The following DEGS2 variants were observed in gnomAD, a reference collection of about 807,000 sequenced individuals.
DEGS2 encodes the protein sphingolipid delta(4)-desaturase/C4-monooxygenase DES2.
In DEGS2, 19 loss-of-function variants were observed where a neutral mutation model predicts 23.8. The ratio of observed to expected loss-of-function variants is 0.80; its 90% confidence interval spans 0.56 to 1.17. The LOEUF is 1.17. DEGS2 is among the 50% of genes most tolerant of loss of function. The pLI is 0.00. For missense variants in DEGS2, 390 were observed against 459.5 expected (o/e 0.85, Z 1.38); for synonymous variants, 218 against 213.7 (o/e 1.02, Z -0.18).
At chr14:100,160,442 G>T (rs1259511752), upstream of DEGS2, among the ~76,000 whole-genome samples, 1 of 152,232 alleles carries the variant, frequency 6.6e-6, no homozygotes, top group Non-Finnish European at 1.5e-5. Flanking sequence ...AACAGCAGAT[G>T]CAAACGCTTG....
chr14:100,157,903 C>T (rs535132113), intron 1 of DEGS2, among the ~76,000 whole-genome samples: 2 of 152,192 alleles, frequency 1.3e-5, no homozygotes, highest in South Asian at 4.1e-4. Flanking sequence ...GCCTAGCCAA[C>T]ATGGTGAAAC....
chr14:100,147,043 ACCCACACACAC>A, intron 2 of DEGS2, 136 bp from the exon 3 acceptor site: 3 of 977,596 alleles, frequency 3.1e-6, no homozygotes, highest in African/African-American at 1.6e-5. Context: ...GCGCGCGCAC[ACCCACACACAC>A]ACATGGGTGT....
At chr14:100,164,176 T>TGAG, upstream of DEGS2, among the ~76,000 whole-genome samples, 1 of 151,842 alleles carries the variant, frequency 6.6e-6, no homozygotes, top group Non-Finnish European at 1.5e-5. Context: ...CAAGCACTCT[T>TGAG]CCTGCCTCGG....
At chr14:100,147,324 C>T (rs955616141) in intron 2 of DEGS2, among the ~76,000 whole-genome samples, 2 of 152,162 alleles carry the variant, frequency 1.3e-5, no homozygotes, top group African/African-American at 4.8e-5. Flanking sequence ...CCTTCTGACC[C>T]GGCAGACCCC....
rs569110301 is a variant in DEGS2 at position 100,149,681 on chromosome 14, G to T, written c.112C>A (p.Arg38=). The change falls in exon 2 of 3, where the codon CGG becomes AGG. Residue 38 remains arginine, a synonymous_variant. Coordinates refer to ENST00000305631, the MANE Select transcript of DEGS2 (RefSeq NM_206918.3). Reference sequence around the variant, plus strand: ...GCCCACTTGAGGCGCGGGTCTGGCCGCATCAGGGCCTTGATGGCCGGGTAC... The same window carrying T: ...GCCCACTTGAGGCGCGGGTCTGGCCTCATCAGGGCCTTGATGGCCGGGTAC... The part of the protein sequence containing the change: ...AKYPAIKALM[R]PDPRLKWAVL... The T allele has an allele frequency of 6.2e-7, 1 of 1,607,320 alleles. No individual in the cohort carries two copies. Among genetic ancestry groups the T allele is most frequent in the Non-Finnish European group, 8.5e-7 (1 of 1,177,046 alleles).
rs1254070395 is a variant in DEGS2, at chr14:100,158,407, CA to C, written c.82+1098del. On this transcript the variant is annotated intron_variant, in intron 1 of 2. Transcript: ENST00000305631. The stretch of plus-strand genomic sequence containing the variant: ...GTGAAACTCCATCTCACTACAAATA[CA>C]AAAATTAGCCGGGTGTGGTGGCAGG... Among the ~76,000 whole-genome samples, 5 of 147,756 alleles carry C rather than the reference CA, an allele frequency of 3.4e-5. No homozygotes were observed. The East Asian group carries it at 6.2e-4, about 18-fold the overall frequency.
At chr14:100,148,655 C>A (rs1047473800) in intron 2 of DEGS2, among the ~76,000 whole-genome samples, 2 of 152,176 alleles carry the variant, frequency 1.3e-5, no homozygotes, top group Non-Finnish European at 2.9e-5. Flanking sequence ...TGGTGCTTCC[C>A]GTGCAGTGTT....
At position 100,145,843 on chromosome 14, in the gene DEGS2, C is replaced by T. The variant is rs4900456; in HGVS notation, c.*918G>A. ...TCTCACGTCACGCACACTCCCAGGA[C>T]GCTGCCCGACCCGCATCCCATCTGA... On this transcript the variant is annotated 3_prime_UTR_variant, in exon 3 of 3. Transcript: ENST00000305631. 0.14 allele frequency: 21,982 copies of T among 152,426 alleles called. 1,613 individuals carry two copies. Among genetic ancestry groups the T allele is most frequent in the Middle Eastern group, 0.21 (62 of 296 alleles). The allele number at this position is 152,426 out of a possible 1,614,324, so 9.4% of individuals were successfully genotyped here.
chr14:100,150,671 C>T (rs1889555594), intron 1 of DEGS2, among the ~76,000 whole-genome samples: 2 of 151,962 alleles, frequency 1.3e-5, no homozygotes, highest in Admixed American at 1.3e-4. Flanking sequence ...ATGCTAAGTT[C>T]TGCCTACATG....
chr14:100,147,318 C>T (rs1264935510), intron 2 of DEGS2, among the ~76,000 whole-genome samples: 2 of 152,192 alleles, frequency 1.3e-5, no homozygotes, highest in African/African-American at 4.8e-5. Context: ...GCCCCGCCTT[C>T]TGACCCGGCA....
chr14:100,159,460 G>A, intron 1 of DEGS2, 46 bp downstream of exon 1: 1 of 1,417,002 alleles, frequency 7.1e-7, no homozygotes, highest in Non-Finnish European at 9.3e-7. Context: ...CTCCAGACGG[G>A]CCAACGGGGC....
At chr14:100,166,315 G>T in the DEGS2 span, among the ~76,000 whole-genome samples, 1 of 24,224 alleles carries the variant, frequency 4.1e-5, no homozygotes, top group South Asian at 1.7e-3. Context: ...CTGTGGGGGA[G>T]CCTGCCCGGG....
chr14:100,165,636 CCT>C, the DEGS2 span, among the ~76,000 whole-genome samples: 1 of 152,156 alleles, frequency 6.6e-6, no homozygotes, highest in Admixed American at 6.5e-5. Flanking sequence ...GCTGTGGACG[CCT>C]CTCCGCTCCG....
chr14:100,161,170 C>T (rs1889741892), upstream of DEGS2, among the ~76,000 whole-genome samples: 2 of 91,514 alleles, frequency 2.2e-5, no homozygotes, highest in Middle Eastern at 6.5e-3. Context: ...TCAGAGCCTT[C>T]GCCCCTGTGT....
In DEGS2 at chr14:100,149,222, G is replaced by A; in HGVS notation, c.571C>T (p.Leu191=). The A allele has an allele frequency of 1.2e-6, 2 of 1,612,708 alleles. No homozygotes were observed. Among genetic ancestry groups the A allele is most frequent in the Non-Finnish European group, 1.7e-6 (2 of 1,179,830 alleles). ...GCCAGGTCGGCCGCCAGCTGCACCA[G>A]CGTGTTGAGCACCTCCATGCGGGTC... ...AVTRMEVLNT[L]VQLAADLAIF... The change falls in exon 2 of 3, where the codon CTG becomes TTG. Residue 191 remains leucine, a synonymous_variant. Coordinates refer to ENST00000305631, the MANE Select transcript of DEGS2 (RefSeq NM_206918.3).
rs1889716804 is a variant in DEGS2 at position 100,159,594 on chromosome 14, G to A, written c.-7C>T. On this transcript the variant is annotated 5_prime_UTR_variant, in exon 1 of 3. Coordinates refer to ENST00000305631, the MANE Select transcript of DEGS2 (RefSeq NM_206918.3). ...GGCTCGCGCTGTTGCCCATGGTGGG[G>A]CGGGAGGCGCCGTTCGGAGCGCGGC... 1 of 1,487,064 alleles carries A rather than the reference G, an allele frequency of 6.7e-7. No homozygotes were observed. The highest frequency in any genetic ancestry group is 2.9e-5 in the East Asian group (1 of 34,376). 92.1% of individuals were successfully genotyped at this position (1,487,064 alleles called of 1,614,324 possible).
In DEGS2 at chr14:100,149,862, C is replaced by T. The variant is rs979707306; in HGVS notation, c.83-152G>A. Reference sequence around the variant, plus strand: ...GCCCCTGCACACAGGCCCTGTCCCTCGAGGGCCCGCTGGCCCCCACCCTGG... The same window carrying T: ...GCCCCTGCACACAGGCCCTGTCCCTTGAGGGCCCGCTGGCCCCCACCCTGG... On this transcript the variant is annotated intron_variant, in intron 1 of 2. Transcript: ENST00000305631. 27 of 817,034 alleles carry T rather than the reference C, an allele frequency of 3.3e-5. No homozygotes were observed. In the East Asian group the frequency reaches 4.4e-4, roughly 13 times the overall value. The allele number at this position is 817,034 out of a possible 1,614,324, so 50.6% of individuals were successfully genotyped here. A position where few individuals can be genotyped will look rare whatever the true frequency, so the allele number is the denominator to read the frequency against.
At chr14:100,158,192 C>T (rs972953816) in intron 1 of DEGS2, among the ~76,000 whole-genome samples, 7 of 151,804 alleles carry the variant, frequency 4.6e-5, no homozygotes, top group African/African-American at 1.5e-4. Flanking sequence ...GTGGATCCCT[C>T]GAGCTCGGAA....
rs1292399042 is a variant in DEGS2 at position 100,149,015 on chromosome 14, C to T, written c.778G>A (p.Val260Met). Reference sequence around the variant, plus strand: ...ATGCTGGGGAAGTCGTGGTGCTCCACGTGGTAGCCCACATTGAAGGTGATC... The same window carrying T: ...ATGCTGGGGAAGTCGTGGTGCTCCATGTGGTAGCCCACATTGAAGGTGATC... ...NWITFNVGYHVEHHDFPSIPG... is the reference protein window; with the variant it reads ...NWITFNVGYHMEHHDFPSIPG... Residue 260 changes from valine to methionine, a missense_variant, in exon 2 of 3, where the codon GTG becomes ATG. Coordinates refer to ENST00000305631, the MANE Select transcript of DEGS2 (RefSeq NM_206918.3). 4.3e-6 allele frequency: 7 copies of T among 1,612,716 alleles called. No individual in the cohort carries two copies. In the South Asian group the frequency reaches 4.4e-5, roughly 10 times the overall value.
Sources: allele counts gnomAD v4.1 joint callset (sites outside exome capture counted in the v4.1 genomes callset), GRCh38; gene constraint gnomAD v4.1.1; transcripts MANE v1.5; gene names NCBI Gene and HGNC (gene_info 2026-07-23, HGNC 2026-07-21).